Variants in ERCC4 observed in about 807,000 individuals in gnomAD.
ERCC4 encodes ERCC excision repair 4, endonuclease catalytic subunit, also known as DNA repair endonuclease XPF.
ERCC4 carries 65 observed loss-of-function variants against 76.9 expected under a neutral mutation model. The ratio of observed to expected loss-of-function variants is 0.84; its 90% CI spans 0.69 to 1.04. ERCC4 has a LOEUF of 1.04. ERCC4 is among the 50% of genes least tolerant of loss of function. The pLI, the probability that ERCC4 is intolerant of heterozygous loss-of-function variation, is 0.00. For synonymous variants in ERCC4, 463 were observed against 410.1 expected (o/e 1.13, Z -1.56); for missense variants, 1,214 against 1,128.2 (o/e 1.08, Z -1.09).
chr16:13,946,959 A>T (rs561598037), intron 10 of ERCC4, among the ~76,000 whole-genome samples: 15 of 152,166 alleles, frequency 9.9e-5, no homozygotes, highest in African/African-American at 2.9e-4. Flanking sequence ...ACGGGGTTTC[A>T]CCATGTTAGC....
At chr16:13,937,648 C>A in intron 8 of ERCC4, 118 bp from the exon 9 acceptor site, 1 of 731,208 alleles carries the variant, frequency 1.4e-6, no homozygotes, top group Non-Finnish European at 2.5e-6. Flanking sequence ...ACCTTTGATT[C>A]TTAGTCAAAT....
intron 6 of ERCC4, chr16:13,933,012 C>CTCCA: frequency 3.1e-6 from 1 of 320,632 alleles, no homozygotes; most frequent in Non-Finnish European, 6.1e-6. Flanking sequence ...CACTACTGCA[C>CTCCA]TCCAGCCTGG....
At chr16:13,939,192 CTGTCTTACTCTT>C (rs1354249650) in intron 9 of ERCC4, among the ~76,000 whole-genome samples, 1 of 152,214 alleles carries the variant, frequency 6.6e-6, no homozygotes, top group East Asian at 1.9e-4. Flanking sequence ...TTGCTCCTCT[CTGTCTTACTCTT>C]TGTCTGCTAG....
In ERCC4 at chr16:13,947,857, G is replaced by C. The variant is rs143357336; in HGVS notation, c.2261G>C (p.Arg754Pro). 2 of 1,614,108 alleles carry C rather than the reference G, an allele frequency of 1.2e-6. No individual in the cohort carries two copies. The highest frequency in any genetic ancestry group is 2.2e-5 in the South Asian group (2 of 91,066). The change falls in exon 11 of 11, where the codon CGT becomes CCT. Residue 754 changes from arginine to proline, a missense_variant. By Grantham distance (103) the Arg-to-Pro change is moderately radical. Coordinates refer to ENST00000311895, the MANE Select transcript of ERCC4 (RefSeq NM_005236.3). ...QCISMSRYYK[R>P]PVLLIEFDPS... ...ATCTCCATGTCCCGCTACTACAAGCGTCCCGTGCTTCTGATTGAGTTTGAC... is the reference window on the plus strand; with the variant it reads ...ATCTCCATGTCCCGCTACTACAAGCCTCCCGTGCTTCTGATTGAGTTTGAC...
intron 2 of ERCC4, among the ~76,000 whole-genome samples, chr16:13,925,565 A>G (rs975091039): frequency 3.3e-5 from 5 of 152,252 alleles, no homozygotes; most frequent in Admixed American, 6.5e-5. Flanking sequence ...ACATTAAAAT[A>G]GTAAAATCTG....
chr16:13,920,431 C>A, intron 1 of ERCC4, 59 bp downstream of exon 1: 1 of 1,427,120 alleles, frequency 7.0e-7, no homozygotes, highest in Non-Finnish European at 9.5e-7. Context: ...GCCTCCTGAG[C>A]GGATGCGAGG....
At chr16:13,932,383 A>G in intron 6 of ERCC4, 98 bp downstream of exon 6, 1 of 1,105,062 alleles carries the variant, frequency 9.0e-7, no homozygotes, top group South Asian at 1.3e-5. Context: ...CCATGTGAAA[A>G]GTGTGTTCCT....
intron 4 of ERCC4, 113 bp downstream of exon 4, chr16:13,928,348 T>A: frequency 1.3e-6 from 1 of 765,866 alleles, no homozygotes; most frequent in Non-Finnish European, 2.2e-6. Context: ...AAGAATAAAA[T>A]TGGAGGTCAC....
chr16:13,942,705 A>G (rs989855791), intron 9 of ERCC4, among the ~76,000 whole-genome samples: 5 of 152,232 alleles, frequency 3.3e-5, no homozygotes, highest in African/African-American at 1.2e-4. Context: ...AGATCCACAC[A>G]CTTTGGAACC....
intron 2 of ERCC4, chr16:13,922,666 C>A (rs1170500084): frequency 2.1e-6 from 1 of 471,174 alleles, no homozygotes; most frequent in Non-Finnish European, 3.9e-6. Context: ...GTTGTCCTTT[C>A]TTTTCTTTGT....
At chr16:13,931,015 T>A in intron 5 of ERCC4, 125 bp downstream of exon 5, 4 of 716,644 alleles carry the variant, frequency 5.6e-6, no homozygotes, top group Non-Finnish European at 9.9e-6. Flanking sequence ...TCAAATTATG[T>A]TTTATGTTCA....
chr16:13,928,784 A>G (rs574729292), intron 4 of ERCC4, among the ~76,000 whole-genome samples: 1 of 152,198 alleles, frequency 6.6e-6, no homozygotes, highest in East Asian at 1.9e-4. Flanking sequence ...TTCATTATAG[A>G]TTAATATTAT....
chr16:13,942,716 G>A (rs547971961), intron 9 of ERCC4, among the ~76,000 whole-genome samples: 13 of 152,250 alleles, frequency 8.5e-5, no homozygotes, highest in African/African-American at 2.4e-4. Flanking sequence ...CTTTGGAACC[G>A]GAATCTGTAC....
intron 1 of ERCC4, among the ~76,000 whole-genome samples, chr16:13,920,930 G>T (rs963348826): frequency 6.6e-6 from 1 of 152,168 alleles, no homozygotes; most frequent in Non-Finnish European, 1.5e-5. Context: ...CCCTGACATG[G>T]GTGCAAGGGC....
chr16:13,928,079 A>T lies in ERCC4; in HGVS notation c.636A>T (p.Val212=). 1 of 1,613,856 alleles carries T rather than the reference A, an allele frequency of 6.2e-7. No homozygotes were observed. The highest frequency in any genetic ancestry group is 8.5e-7 in the Non-Finnish European group (1 of 1,179,876). The stretch of plus-strand genomic sequence containing the variant: ...TAGAACAGCACAAACCTGAAGTTGT[A>T]GAAATCCATGTTTCTATGACACCTA... ...SFLEQHKPEV[V]EIHVSMTPTM... The change falls in exon 4 of 11, where the codon GTA becomes GTT. Residue 212 remains valine, a synonymous_variant. Coordinates refer to ENST00000311895, the MANE Select transcript of ERCC4 (RefSeq NM_005236.3).
Position 13,951,547 on chromosome 16 carries a change from A to G in ERCC4, c.*3200A>G, listed in dbSNP as rs8056393. 866 of 212,732 alleles carry G rather than the reference A, an allele frequency of 4.1e-3. 10 individuals are homozygous for G. Among genetic ancestry groups the G allele is most frequent in the African/African-American group, 0.017 (750 of 44,324 alleles). The allele number at this position is 212,732 out of a possible 1,614,324, so 13.2% of individuals were successfully genotyped here. Reference sequence around the variant, plus strand: ...ACTAATTCAGCCTGAAGCTCGGTAGACAATATGTCTACATGTGTTTGAGTA... The same window carrying G: ...ACTAATTCAGCCTGAAGCTCGGTAGGCAATATGTCTACATGTGTTTGAGTA... On this transcript the variant is annotated 3_prime_UTR_variant, in exon 11 of 11. Coordinates refer to ENST00000311895, the MANE Select transcript of ERCC4 (RefSeq NM_005236.3).
intron 10 of ERCC4, among the ~76,000 whole-genome samples, chr16:13,946,995 C>G (rs2032527505): frequency 6.6e-6 from 1 of 152,186 alleles, no homozygotes. Context: ...CTCCTTTCCT[C>G]AGGTGATCCG....
rs71150154 is a variant in ERCC4, at chr16:13,937,086, A to ATTTTTTTTTT, written c.1812-673_1812-664dup. Among the ~76,000 whole-genome samples the ATTTTTTTTTT allele has an allele frequency of 4.0e-3, 518 of 128,652 alleles. 10 individuals are homozygous for ATTTTTTTTTT. The highest frequency in any genetic ancestry group is 0.021 in the Middle Eastern group (5 of 242). 84.4% of individuals were successfully genotyped at this position (128,652 alleles called of 152,430 possible). ...AGGCATGTGCCACCATGCTCAACTAATTTTTTTTTTTTTTTTGTAGAGATG... is the reference window on the plus strand; with the variant it reads ...AGGCATGTGCCACCATGCTCAACTAATTTTTTTTTTTTTTTTTTTTTTTTTTGTAGAGATG... On this transcript the variant is annotated intron_variant, in intron 8 of 10. Coordinates refer to ENST00000311895, the MANE Select transcript of ERCC4 (RefSeq NM_005236.3).
chr16:13,921,429 T>C (rs2031973688), intron 1 of ERCC4, among the ~76,000 whole-genome samples: 1 of 152,114 alleles, frequency 6.6e-6, no homozygotes, highest in Non-Finnish European at 1.5e-5. Context: ...GAGAAAAATG[T>C]CAGCTGAGAA....
Sources: allele counts gnomAD v4.1 joint callset (sites outside exome capture counted in the v4.1 genomes callset), GRCh38; gene constraint gnomAD v4.1.1; transcripts MANE v1.5; gene names NCBI Gene and HGNC (gene_info 2026-07-23, HGNC 2026-07-21).